DNAH6: variants seen among roughly 807,000 people sequenced by gnomAD.
DNAH6 encodes the protein dynein axonemal heavy chain 6, also known as axonemal beta dynein heavy chain 6.
Under a neutral mutation model 491.4 loss-of-function variants are expected in DNAH6, and 340 were observed. The observed-to-expected ratio is 0.69, with a 90% confidence interval of 0.63 to 0.76. The LOEUF (loss-of-function observed/expected upper bound fraction) is 0.76. Ranked by LOEUF, DNAH6 falls within the 30% of genes least tolerant of loss-of-function variation. The pLI is 0.00. For missense variants in DNAH6, 4,443 were observed against 4,972.2 expected (o/e 0.89, Z 3.20); for synonymous variants, 1,603 against 1,686.1 (o/e 0.95, Z 1.21).
At chr2:84,546,566 T>G (rs1678816255) in intron 5 of DNAH6, among the ~76,000 whole-genome samples, 2 of 152,212 alleles carry the variant, frequency 1.3e-5, no homozygotes, top group African/African-American at 4.8e-5. Flanking sequence ...TTTTCAAGGT[T>G]CTTCTTCTAT....
At chr2:84,690,889 A>G (rs1694784956) in intron 45 of DNAH6, among the ~76,000 whole-genome samples, 1 of 152,238 alleles carries the variant, frequency 6.6e-6, no homozygotes, top group Non-Finnish European at 1.5e-5. Context: ...TGCTGGTGAC[A>G]TTTTAGTTTT....
chr2:84,816,211 C>T, intron 76 of DNAH6, 128 bp downstream of exon 76: 7 of 637,142 alleles, frequency 1.1e-5, no homozygotes, highest in South Asian at 8.9e-5. Context: ...ATGAAGCCAC[C>T]TATAACATAC....
intron 70 of DNAH6, among the ~76,000 whole-genome samples, chr2:84,800,084 A>G (rs191662159): frequency 4.1e-4 from 62 of 152,274 alleles, no homozygotes; most frequent in African/African-American, 1.4e-3. Context: ...AACAAAAATA[A>G]CATTGCTACA....
At chr2:84,483,244 G>T in the DNAH6 span, among the ~76,000 whole-genome samples, 20 of 152,194 alleles carry the variant, frequency 1.3e-4, no homozygotes, top group African/African-American at 4.6e-4. Flanking sequence ...GATTACACGT[G>T]TGAACCACTG....
intron 3 of DNAH6, among the ~76,000 whole-genome samples, chr2:84,528,599 A>G (rs994744338): frequency 1.3e-5 from 2 of 152,144 alleles, no homozygotes; most frequent in African/African-American, 2.4e-5. Context: ...GAGGGCTCCC[A>G]TGGACATCAA....
chr2:84,622,862 C>T (rs2104409024), intron 26 of DNAH6, among the ~76,000 whole-genome samples: 2 of 152,220 alleles, frequency 1.3e-5, no homozygotes, highest in South Asian at 4.1e-4. Flanking sequence ...TTTTTGATAA[C>T]AGTCACCCTA....
chr2:84,670,936 G>A (rs1443095955), intron 39 of DNAH6, among the ~76,000 whole-genome samples: 1 of 152,106 alleles, frequency 6.6e-6, no homozygotes, highest in Non-Finnish European at 1.5e-5. Context: ...ATAACTTTCT[G>A]GTCACCTTCA....
chr2:84,763,020 T>A lies in DNAH6; in HGVS notation c.10703+75T>A, dbSNP rs980987445. The A allele has an allele frequency of 2.3e-5, 27 of 1,154,440 alleles. 1 individual carries two copies. In the South Asian group the frequency reaches 3.7e-4, roughly 16 times the overall value. 71.5% of individuals were successfully genotyped at this position (1,154,440 alleles called of 1,614,324 possible). On this transcript the variant is annotated intron_variant, in intron 64 of 76. Transcript: ENST00000389394. The stretch of plus-strand genomic sequence containing the variant: ...CTTTGTTAAAATTTGCCTTTGTTCT[T>A]CCCCTTGTAGAGCATAAATTCTTAC...
chr2:84,731,399 G>A (rs558396846), intron 61 of DNAH6, among the ~76,000 whole-genome samples: 14 of 152,338 alleles, frequency 9.2e-5, no homozygotes, highest in African/African-American at 2.6e-4. Flanking sequence ...GAGGCTCCAC[G>A]TTTGGTGCAG....
At chr2:84,723,702 G>A (rs1053667469) in intron 60 of DNAH6, among the ~76,000 whole-genome samples, 6 of 152,074 alleles carry the variant, frequency 3.9e-5, no homozygotes, top group Admixed American at 2.0e-4. Context: ...TCTTTCCTTT[G>A]TTTCTGTCCC....
At chr2:84,495,345 T>G in the DNAH6 span, among the ~76,000 whole-genome samples, 1 of 152,136 alleles carries the variant, frequency 6.6e-6, no homozygotes, top group South Asian at 2.1e-4. Context: ...GTATTTTTAG[T>G]AGAGACAGGG....
intron 29 of DNAH6, among the ~76,000 whole-genome samples, chr2:84,633,063 G>A (rs938625460): frequency 2.0e-5 from 3 of 152,178 alleles, no homozygotes; most frequent in African/African-American, 7.2e-5. Context: ...AGTATAGAAT[G>A]TGTGGCCAGC....
At chr2:84,716,733 T>C (rs1697571091) in intron 58 of DNAH6, among the ~76,000 whole-genome samples, 2 of 151,414 alleles carry the variant, frequency 1.3e-5, no homozygotes, top group South Asian at 2.1e-4. Flanking sequence ...TTAGGCTGCC[T>C]GGGACAAGAA....
chr2:84,812,433 G>C lies in DNAH6; in HGVS notation c.11832G>C (p.Gln3944His), dbSNP rs535882244. Residue 3944 changes from glutamine (Q) to histidine (H), a missense_variant, in exon 73 of 77, where the codon CAG (glutamine) becomes CAC (histidine). Gln to His is a conservative substitution (Grantham distance 24). Coordinates refer to ENST00000389394, the MANE Select transcript of DNAH6 (RefSeq NM_001370.2). ...EKVYNSFLNN[Q>H]VPALWSNTAY... ...TGTATAACAGTTTCCTCAACAACCAGGTTCCCGCTCTGTGGTCCAACACAG... is the reference window on the plus strand; with the variant it reads ...TGTATAACAGTTTCCTCAACAACCACGTTCCCGCTCTGTGGTCCAACACAG... The C allele has an allele frequency of 7.7e-6, 12 of 1,551,750 alleles. 1 individual carries two copies. The South Asian group carries it at 1.4e-4, about 18-fold the overall frequency.
intron 59 of DNAH6, among the ~76,000 whole-genome samples, chr2:84,719,823 A>T (rs1697917138): frequency 2.0e-5 from 3 of 151,670 alleles, no homozygotes; most frequent in Non-Finnish European, 4.4e-5. Context: ...TGTGCCGGCC[A>T]AGGCAGCTAC....
chr2:84,706,017 A>G (rs1454872902), intron 52 of DNAH6, among the ~76,000 whole-genome samples: 1 of 152,216 alleles, frequency 6.6e-6, no homozygotes, highest in Non-Finnish European at 1.5e-5. Flanking sequence ...GGTACTTTTT[A>G]GCTCAACCAT....
intron 10 of DNAH6, among the ~76,000 whole-genome samples, chr2:84,557,294 C>T (rs1680132725): frequency 1.3e-5 from 2 of 152,206 alleles, no homozygotes; most frequent in African/African-American, 4.8e-5. Context: ...AGAATCAGCA[C>T]AATACCTAGC....
At chr2:84,811,959 C>T (rs910810167) in intron 72 of DNAH6, among the ~76,000 whole-genome samples, 3 of 152,120 alleles carry the variant, frequency 2.0e-5, no homozygotes, top group African/African-American at 4.8e-5. Flanking sequence ...GTGGTTCTCA[C>T]TCCCCATCTC....
At chr2:84,761,912 GAATAACC>G (rs1453235286) in intron 63 of DNAH6, among the ~76,000 whole-genome samples, 2 of 152,138 alleles carry the variant, frequency 1.3e-5, no homozygotes, top group Non-Finnish European at 2.9e-5. Flanking sequence ...GATGTCCACT[GAATAACC>G]CATGGGGGAG....
Sources: allele counts gnomAD v4.1 joint callset (sites outside exome capture counted in the v4.1 genomes callset), GRCh38; gene constraint gnomAD v4.1.1; transcripts MANE v1.5; gene names NCBI Gene and HGNC (gene_info 2026-07-23, HGNC 2026-07-21).